Variants in PLEKHD1 observed in about 807,000 individuals in gnomAD.
PLEKHD1 encodes pleckstrin homology domain-containing family D member 1.
A neutral mutation model predicts 69.2 loss-of-function variants in PLEKHD1; 51 were observed. The observed-to-expected ratio is 0.74, with a 90% CI of 0.59 to 0.93. The LOEUF is 0.93. Among genes scored for constraint, PLEKHD1 ranks in the 40% least tolerant of loss-of-function variants. PLEKHD1 has a pLI of 0.00. For missense variants in PLEKHD1, 584 were observed against 641.0 expected, an observed-to-expected ratio of 0.91 and a Z score of 0.96; for synonymous variants, 236 against 244.7, an observed-to-expected ratio of 0.96 and a Z score of 0.33.
intron 6 of PLEKHD1, among the ~76,000 whole-genome samples, chr14:69,521,664 C>T (rs1883517285): frequency 6.6e-6 from 1 of 152,188 alleles, no homozygotes; most frequent in African/African-American, 2.4e-5. Flanking sequence ...TGGGAAAACA[C>T]TTGGGCTTCC....
rs375368521 is a variant in PLEKHD1, at chr14:69,496,702, A to ATTTTTTTT, written c.150-3398_150-3391dup. 3.9e-3 allele frequency among the ~76,000 whole-genome samples: 444 copies of ATTTTTTTT among 112,892 alleles called. 6 individuals are homozygous for ATTTTTTTT. Among genetic ancestry groups the ATTTTTTTT allele is most frequent in the South Asian group, 0.019 (57 of 3,050 alleles). 74.1% of individuals were successfully genotyped at this position (112,892 alleles called of 152,430 possible). On this transcript the variant is annotated intron_variant, in intron 1 of 12. Coordinates refer to ENST00000322564, the MANE Select transcript of PLEKHD1 (RefSeq NM_001161498.2). Reference sequence around the variant, plus strand: ...AGGCATGTACCACCATGCCCAGCTAATTTTTTTTTTTTTTTTTTTTTTAAT... The same window carrying ATTTTTTTT: ...AGGCATGTACCACCATGCCCAGCTAATTTTTTTTTTTTTTTTTTTTTTTTTTTTTTAAT...
chr14:69,476,281 G>T, the PLEKHD1 span, among the ~76,000 whole-genome samples: 15 of 126,766 alleles, frequency 1.2e-4, no homozygotes, highest in African/African-American at 4.4e-4. Flanking sequence ...AAAAAAAATG[G>T]CATCACTGCT....
upstream of PLEKHD1, among the ~76,000 whole-genome samples, chr14:69,484,317 G>C (rs530253238): frequency 6.6e-6 from 1 of 152,224 alleles, no homozygotes; most frequent in Non-Finnish European, 1.5e-5. Context: ...TTCCAGGCCG[G>C]AGTGTGTGAC....
chr14:69,520,335 A>T (rs1883485785), intron 6 of PLEKHD1, among the ~76,000 whole-genome samples: 1 of 152,052 alleles, frequency 6.6e-6, no homozygotes, highest in African/African-American at 2.4e-5. Flanking sequence ...GTCGAATCTG[A>T]GGCTATAAAG....
chr14:69,481,332 AC>A (rs1163243157), upstream of PLEKHD1, among the ~76,000 whole-genome samples: 1 of 152,180 alleles, frequency 6.6e-6, no homozygotes, highest in African/African-American at 2.4e-5. Flanking sequence ...AACAACAACA[AC>A]AAAAAAATAT....
intron 6 of PLEKHD1, among the ~76,000 whole-genome samples, chr14:69,505,037 C>G (rs1488432690): frequency 2.6e-5 from 4 of 152,210 alleles, no homozygotes; most frequent in South Asian, 2.1e-4. Context: ...TTTAGACACT[C>G]TATCTAGGTC....
intron 6 of PLEKHD1, among the ~76,000 whole-genome samples, chr14:69,514,330 T>C (rs1336687405): frequency 1.3e-5 from 2 of 151,970 alleles, no homozygotes; most frequent in Non-Finnish European, 2.9e-5. Flanking sequence ...AGCTGAGAGA[T>C]TTTTTTTCCT....
intron 7 of PLEKHD1, 77 bp downstream of exon 7, chr14:69,522,454 G>A (rs1240795997): frequency 2.1e-6 from 3 of 1,446,556 alleles, no homozygotes; most frequent in Non-Finnish European, 2.8e-6. Flanking sequence ...CAGATCTGAG[G>A]AGGCCTCCAC....
At chr14:69,506,655 G>T (rs755567177) in intron 6 of PLEKHD1, among the ~76,000 whole-genome samples, 1 of 152,086 alleles carries the variant, frequency 6.6e-6, no homozygotes, top group Non-Finnish European at 1.5e-5. Flanking sequence ...TCCCCACAGG[G>T]TTCCCCACTG....
Position 69,500,867 on chromosome 14 carries a change from G to C in PLEKHD1, c.334-4G>C. Reference sequence around the variant, plus strand: ...GGCATGCGCATGGCTCCTCTTCCTGGCAGGGGAACATCTTGCTTGCTGCTG... The same window carrying C: ...GGCATGCGCATGGCTCCTCTTCCTGCCAGGGGAACATCTTGCTTGCTGCTG... On this transcript the variant is annotated splice_region_variant and splice_polypyrimidine_tract_variant and intron_variant, in intron 3 of 12. Coordinates refer to ENST00000322564, the MANE Select transcript of PLEKHD1 (RefSeq NM_001161498.2). 1 of 1,551,636 alleles carries C rather than the reference G, an allele frequency of 6.4e-7. No homozygotes were observed. The highest frequency in any genetic ancestry group is 1.4e-5 in the African/African-American group (1 of 73,176).
chr14:69,477,244 CA>C, the PLEKHD1 span, among the ~76,000 whole-genome samples: 3 of 152,158 alleles, frequency 2.0e-5, no homozygotes, highest in Non-Finnish European at 4.4e-5. Context: ...TTTAAATCAT[CA>C]GATCTGATGA....
upstream of PLEKHD1, among the ~76,000 whole-genome samples, chr14:69,482,891 T>C (rs1377186751): frequency 1.9e-5 from 2 of 102,824 alleles, no homozygotes; most frequent in East Asian, 2.4e-4. Context: ...CCCCCATCTC[T>C]CTAAAAAAAA....
upstream of PLEKHD1, among the ~76,000 whole-genome samples, chr14:69,481,279 C>T (rs1882536675): frequency 6.6e-6 from 1 of 152,110 alleles, no homozygotes; most frequent in Admixed American, 6.5e-5. Flanking sequence ...GCTATGATCA[C>T]GCCACTGTAC....
At chr14:69,506,891 C>CTT (rs1162412450) in intron 6 of PLEKHD1, among the ~76,000 whole-genome samples, 1,899 of 78,040 alleles carry the variant, frequency 0.024, 157 homozygotes, top group South Asian at 0.076. Flanking sequence ...CTGGCAACTG[C>CTT]TTTTTTTTTT....
At chr14:69,484,219 G>C (rs1453021267), upstream of PLEKHD1, among the ~76,000 whole-genome samples, 1 of 152,194 alleles carries the variant, frequency 6.6e-6, no homozygotes, top group Non-Finnish European at 1.5e-5. Context: ...CTGGCCACCC[G>C]CCTGCCCGGG....
chr14:69,514,199 T>C (rs1883330715), intron 6 of PLEKHD1, among the ~76,000 whole-genome samples: 1 of 152,112 alleles, frequency 6.6e-6, no homozygotes, highest in Non-Finnish European at 1.5e-5. Flanking sequence ...ATTCTCATTA[T>C]ACATTTTGCA....
At chr14:69,521,301 A>G (rs8010655) in intron 6 of PLEKHD1, among the ~76,000 whole-genome samples, 151,184 of 152,322 alleles carry the variant, frequency 0.99, 75,037 homozygotes, top group Middle Eastern at 1. Flanking sequence ...GTAGTTTAGA[A>G]ATGGAGGTCA....
the PLEKHD1 span, among the ~76,000 whole-genome samples, chr14:69,467,951 T>A: frequency 2.0e-5 from 3 of 152,260 alleles, no homozygotes; most frequent in Non-Finnish European, 2.9e-5. Flanking sequence ...TGGAACGATG[T>A]CTATCCAGTG....
upstream of PLEKHD1, among the ~76,000 whole-genome samples, chr14:69,483,766 G>A (rs1407416127): frequency 3.9e-5 from 6 of 152,398 alleles, no homozygotes; most frequent in African/African-American, 1.4e-4. Flanking sequence ...TGGTCTGGCG[G>A]GCGGCCGCTC....
Sources: gnomAD v4.1 joint callset for allele counts (sites outside exome capture counted in the v4.1 genomes callset) on GRCh38, gnomAD v4.1.1 for gene constraint, MANE v1.5 for transcripts, NCBI Gene and HGNC (gene_info 2026-07-23, HGNC 2026-07-21) for gene names.